Variants in PRKCH observed in about 807,000 individuals in gnomAD.
The protein encoded by PRKCH is protein kinase C eta.
A neutral mutation model predicts 82.5 loss-of-function variants in PRKCH; 28 were observed. The ratio of observed to expected loss-of-function variants is 0.34; its 90% CI spans 0.25 to 0.47. The LOEUF (loss-of-function observed/expected upper bound fraction) is 0.47, where lower values mean the gene tolerates loss of function less well. Ranked by LOEUF, PRKCH falls within the 20% of genes least tolerant of loss-of-function variation. The probability of loss-of-function intolerance (pLI) is 1.00; values close to 1 mark genes in which losing one functional copy is unlikely to be tolerated. For missense variants in PRKCH, 705 were observed against 881.8 expected (o/e 0.80, Z 2.54); for synonymous variants, 322 against 327.4 (o/e 0.98, Z 0.18).
At chr14:61,450,419 T>C (rs1884450987) in intron 5 of PRKCH, among the ~76,000 whole-genome samples, 1 of 152,210 alleles carries the variant, frequency 6.6e-6, no homozygotes, top group Admixed American at 6.5e-5. Context: ...CTTTTTATTT[T>C]TCTTCCCGTG....
At chr14:61,428,098 T>C (rs12889415) in intron 2 of PRKCH, among the ~76,000 whole-genome samples, 84,922 of 142,222 alleles carry the variant, frequency 0.6, 26,061 homozygotes, top group Non-Finnish European at 0.7. Context: ...CACACACACA[T>C]ATATATATAC....
intron 10 of PRKCH, among the ~76,000 whole-genome samples, chr14:61,515,194 C>CT (rs2042805090): frequency 1.3e-5 from 2 of 152,276 alleles, no homozygotes; most frequent in East Asian, 3.9e-4. Flanking sequence ...CAAGGACTGG[C>CT]TGTACAGTTG....
intron 2 of PRKCH, among the ~76,000 whole-genome samples, chr14:61,441,191 C>T (rs896480015): frequency 6.6e-6 from 1 of 152,170 alleles, no homozygotes; most frequent in Non-Finnish European, 1.5e-5. Context: ...AGCCACTGCA[C>T]TTGCCCTAAA....
chr14:61,443,527 A>G (rs879866565), intron 3 of PRKCH, among the ~76,000 whole-genome samples: 3 of 152,252 alleles, frequency 2.0e-5, no homozygotes, highest in Non-Finnish European at 4.4e-5. Context: ...GTCAACAAGC[A>G]TAAATCAGAG....
At chr14:61,257,002 A>C (rs1007231709) in intron 1 of PRKCH, among the ~76,000 whole-genome samples, 1 of 152,192 alleles carries the variant, frequency 6.6e-6, no homozygotes, top group East Asian at 1.9e-4. Flanking sequence ...GGTCCAAATA[A>C]AGTGCTTCCT....
intron 10 of PRKCH, among the ~76,000 whole-genome samples, chr14:61,513,609 G>T (rs941847613): frequency 6.6e-6 from 1 of 152,070 alleles, no homozygotes; most frequent in Non-Finnish European, 1.5e-5. Context: ...TTTATAAAAT[G>T]TATTAAAAGT....
rs35762429 is a variant in PRKCH, at chr14:61,367,360, ATG to A, written c.364-23841_364-23840del. ...TCAGGTATTGCGTGTGTGTGTGTGTATGTGTGTGTGTGTGTGTGTGTGTGTCA... is the reference window on the plus strand; with the variant it reads ...TCAGGTATTGCGTGTGTGTGTGTGTATGTGTGTGTGTGTGTGTGTGTGTCA... On this transcript the variant is annotated intron_variant, in intron 1 of 13. Coordinates refer to ENST00000332981, the MANE Select transcript of PRKCH (RefSeq NM_006255.5). Among the ~76,000 whole-genome samples the A allele has an allele frequency of 7.5e-3, 1,090 of 144,552 alleles. 15 individuals are homozygous for A. Among genetic ancestry groups the A allele is most frequent in the African/African-American group, 0.022 (818 of 37,326 alleles). The allele number at this position is 144,552 out of a possible 152,430, so 94.8% of individuals were successfully genotyped here.
chr14:61,288,531 A>G (rs1428692912), intron 1 of PRKCH, among the ~76,000 whole-genome samples: 1 of 152,116 alleles, frequency 6.6e-6, no homozygotes, highest in African/African-American at 2.4e-5. Flanking sequence ...GAGATCGTAT[A>G]CCCATGGAGT....
At chr14:61,334,256 G>T (rs150471466) in intron 1 of PRKCH, among the ~76,000 whole-genome samples, 1 of 152,126 alleles carries the variant, frequency 6.6e-6, no homozygotes, top group African/African-American at 2.4e-5. Flanking sequence ...GGCAGAGAAC[G>T]CAAGACCCAG....
At chr14:61,532,050 C>A (rs1376574860) in intron 12 of PRKCH, among the ~76,000 whole-genome samples, 51 of 152,332 alleles carry the variant, frequency 3.3e-4, no homozygotes. Flanking sequence ...TGATCACTTT[C>A]CTACTTCCAT....
intron 2 of PRKCH, among the ~76,000 whole-genome samples, chr14:61,408,993 G>A (rs190185992): frequency 6.6e-6 from 1 of 152,344 alleles, no homozygotes; most frequent in East Asian, 1.9e-4. Flanking sequence ...TCTGGGGAAA[G>A]TGTGTGCTGC....
chr14:61,222,662 A>T (rs2044664106), intron 1 of PRKCH, among the ~76,000 whole-genome samples: 1 of 152,246 alleles, frequency 6.6e-6, no homozygotes, highest in South Asian at 2.1e-4. Context: ...ATATGATTGC[A>T]TAAAATATTC....
At chr14:61,398,137 T>C (rs2046812419) in intron 2 of PRKCH, among the ~76,000 whole-genome samples, 1 of 152,218 alleles carries the variant, frequency 6.6e-6, no homozygotes, top group Admixed American at 6.5e-5. Flanking sequence ...TAACTAAGCC[T>C]TCCTGAAGCT....
intron 1 of PRKCH, among the ~76,000 whole-genome samples, chr14:61,387,321 C>T (rs1439160375): frequency 6.6e-6 from 1 of 152,228 alleles, no homozygotes; most frequent in African/African-American, 2.4e-5. Flanking sequence ...GGCCTGCTCA[C>T]ATGTCCACTC....
intron 12 of PRKCH, among the ~76,000 whole-genome samples, chr14:61,540,151 T>C (rs1285988145): frequency 6.6e-6 from 1 of 152,226 alleles, no homozygotes; most frequent in Non-Finnish European, 1.5e-5. Context: ...TCGGATTTTT[T>C]CCAGCCCTAT....
At chr14:61,451,749 C>T (rs1178794089) in intron 6 of PRKCH, among the ~76,000 whole-genome samples, 3 of 152,124 alleles carry the variant, frequency 2.0e-5, no homozygotes, top group African/African-American at 4.8e-5. Context: ...CAGACACACC[C>T]CAAGTCGCCA....
intron 1 of PRKCH, among the ~76,000 whole-genome samples, chr14:61,325,453 A>G (rs2045682973): frequency 1.3e-5 from 2 of 152,228 alleles, no homozygotes; most frequent in East Asian, 3.9e-4. Context: ...CTTACCTCAC[A>G]TCCTACAAAG....
At chr14:61,432,623 C>T (rs1183505688) in intron 2 of PRKCH, among the ~76,000 whole-genome samples, 2 of 152,228 alleles carry the variant, frequency 1.3e-5, no homozygotes, top group African/African-American at 4.8e-5. Context: ...GCACGAGCCA[C>T]TGCGCCCAGC....
intron 10 of PRKCH, among the ~76,000 whole-genome samples, chr14:61,496,134 G>A (rs570438136): frequency 2.0e-5 from 3 of 152,304 alleles, no homozygotes; most frequent in South Asian, 2.1e-4. Context: ...CATGGGCGTC[G>A]AGGGCCCAAG....
Sources: gnomAD v4.1 joint callset for allele counts (sites outside exome capture counted in the v4.1 genomes callset) on GRCh38, gnomAD v4.1.1 for gene constraint, MANE v1.5 for transcripts, NCBI Gene and HGNC (gene_info 2026-07-23, HGNC 2026-07-21) for gene names.